Variants in RGS6 observed in about 807,000 individuals in gnomAD.
The protein encoded by RGS6 is regulator of G protein signaling 6.
Under a neutral mutation model 78.5 loss-of-function variants are expected in RGS6, and 30 were observed. The observed-to-expected ratio is 0.38, with a 90% CI of 0.29 to 0.52. RGS6 has a LOEUF of 0.52. Ranked by LOEUF, RGS6 falls within the 20% of genes least tolerant of loss-of-function variation. RGS6 has a pLI of 0.85. For missense variants in RGS6, 495 were observed against 609.7 expected (o/e 0.81, Z 1.98); for synonymous variants, 206 against 206.0 (o/e 1.00, Z 0.00).
chr14:72,561,624 G>T (rs997514270), intron 17 of RGS6, among the ~76,000 whole-genome samples: 1 of 152,182 alleles, frequency 6.6e-6, no homozygotes, highest in East Asian at 1.9e-4. Flanking sequence ...CATACACAAC[G>T]GGACTCTCCT....
intron 2 of RGS6, among the ~76,000 whole-genome samples, chr14:72,131,227 T>C (rs2096307567): frequency 6.6e-6 from 1 of 152,208 alleles, no homozygotes; most frequent in African/African-American, 2.4e-5. Context: ...AAAGCTATTT[T>C]AATGCCCGAC....
At chr14:72,434,569 G>T (rs2094812922) in intron 3 of RGS6, among the ~76,000 whole-genome samples, 1 of 152,196 alleles carries the variant, frequency 6.6e-6, no homozygotes, top group Admixed American at 6.5e-5. Context: ...AAGTTTAGAG[G>T]CTTGCTATCT....
At chr14:72,300,293 TA>T (rs887575683) in intron 2 of RGS6, among the ~76,000 whole-genome samples, 1 of 151,990 alleles carries the variant, frequency 6.6e-6, no homozygotes. Context: ...AATTTATAGA[TA>T]AAAAAATGAA....
At chr14:72,104,182 G>A (rs1171443778) in intron 2 of RGS6, among the ~76,000 whole-genome samples, 5 of 151,936 alleles carry the variant, frequency 3.3e-5, no homozygotes, top group African/African-American at 4.8e-5. Context: ...TCCCATGGGC[G>A]CCCCCGGTTT....
intron 2 of RGS6, among the ~76,000 whole-genome samples, chr14:71,971,376 A>G (rs936250608): frequency 1.3e-5 from 2 of 152,186 alleles, no homozygotes; most frequent in Non-Finnish European, 2.9e-5. Context: ...TGCACTGGCC[A>G]TATCCGTCTA....
chr14:72,550,023 A>G (rs936131230), intron 17 of RGS6, among the ~76,000 whole-genome samples: 79 of 151,952 alleles, frequency 5.2e-4, no homozygotes, highest in African/African-American at 1.8e-3. Flanking sequence ...CCTAAGAACC[A>G]CCCCGATTGC....
chr14:72,412,406 G>A (rs1369886955), intron 3 of RGS6, among the ~76,000 whole-genome samples: 4 of 152,046 alleles, frequency 2.6e-5, no homozygotes, highest in African/African-American at 9.7e-5. Flanking sequence ...TGGGATCAGT[G>A]GTGATATCCC....
chr14:71,881,488 T>C, the RGS6 span, among the ~76,000 whole-genome samples: 1 of 152,170 alleles, frequency 6.6e-6, no homozygotes, highest in Admixed American at 6.5e-5. Flanking sequence ...AATTGAATCA[T>C]GGGGGCAGTT....
At chr14:72,075,038 C>G (rs1020807534) in intron 2 of RGS6, among the ~76,000 whole-genome samples, 2 of 152,126 alleles carry the variant, frequency 1.3e-5, no homozygotes, top group Admixed American at 1.3e-4. Flanking sequence ...ATGTTTTGTT[C>G]AGGATTTTCT....
chr14:72,135,315 G>C (rs767788617), intron 2 of RGS6, among the ~76,000 whole-genome samples: 14 of 152,106 alleles, frequency 9.2e-5, no homozygotes, highest in Non-Finnish European at 1.5e-4. Context: ...TGGACTGTGA[G>C]GCAGAGACTC....
intron 2 of RGS6, among the ~76,000 whole-genome samples, chr14:72,318,520 T>C (rs1254685850): frequency 1.3e-5 from 2 of 152,142 alleles, no homozygotes; most frequent in Non-Finnish European, 2.9e-5. Flanking sequence ...GTGAAAAGCA[T>C]AAATTTTGCT....
chr14:72,479,896 T>C (rs532110988), intron 12 of RGS6, among the ~76,000 whole-genome samples: 6 of 152,298 alleles, frequency 3.9e-5, no homozygotes, highest in Admixed American at 6.5e-5. Context: ...CTAGTATACT[T>C]TGAGGGTCGG....
At chr14:72,568,999 A>G (rs1044401860), downstream of RGS6, among the ~76,000 whole-genome samples, 7 of 152,166 alleles carry the variant, frequency 4.6e-5, no homozygotes, top group African/African-American at 1.4e-4. Flanking sequence ...GCGGACGTTT[A>G]AAAAATGAGA....
chr14:71,882,430 A>G, the RGS6 span, among the ~76,000 whole-genome samples: 1 of 152,184 alleles, frequency 6.6e-6, no homozygotes, highest in African/African-American at 2.4e-5. Context: ...GTATATGCAT[A>G]CCTGTTTGAG....
intron 2 of RGS6, among the ~76,000 whole-genome samples, chr14:72,247,652 T>C (rs944954454): frequency 6.6e-6 from 1 of 152,202 alleles, no homozygotes; most frequent in African/African-American, 2.4e-5. Context: ...GCAATAGCAT[T>C]GGGAGGTGGG....
the RGS6 span, among the ~76,000 whole-genome samples, chr14:71,897,926 G>T: frequency 6.6e-6 from 1 of 151,708 alleles, no homozygotes; most frequent in African/African-American, 2.4e-5. Context: ...CAGGAGCTTA[G>T]AGTACAATAT....
chr14:72,266,008 C>T (rs1427512310), intron 2 of RGS6, among the ~76,000 whole-genome samples: 1 of 151,880 alleles, frequency 6.6e-6, no homozygotes, highest in Admixed American at 6.6e-5. Context: ...TATGTATGCT[C>T]TATAGCAAAC....
Position 72,352,121 on chromosome 14 carries a change from A to G in RGS6, c.111A>G (p.Gln37=), listed in dbSNP as rs1566600740. The change falls in exon 3 of 18, where the codon CAA becomes CAG. Residue 37 remains glutamine, a synonymous_variant. Coordinates refer to ENST00000553525, the MANE Select transcript of RGS6 (RefSeq NM_001204424.2). ...TTGAAGACATCATTACAAAGATGCA[A>G]GATGACAAGACAGGGGGTGTGCCCA... ...CKIEDIITKM[Q]DDKTGGVPIR... is the part of the protein sequence containing the mutation. 6.2e-7 allele frequency: 1 copy of G among 1,613,258 alleles called. No individual in the cohort carries two copies. Among genetic ancestry groups the G allele is most frequent in the Non-Finnish European group, 8.5e-7 (1 of 1,179,646 alleles).
chr14:72,219,893 T>A (rs1337224559), intron 2 of RGS6, among the ~76,000 whole-genome samples: 1 of 152,136 alleles, frequency 6.6e-6, no homozygotes, highest in Non-Finnish European at 1.5e-5. Context: ...TTTTTTTTCT[T>A]CCAGACGAAC....
Sources: gnomAD v4.1 joint callset for allele counts (sites outside exome capture counted in the v4.1 genomes callset) on GRCh38, gnomAD v4.1.1 for gene constraint, MANE v1.5 for transcripts, NCBI Gene and HGNC (gene_info 2026-07-23, HGNC 2026-07-21) for gene names.